Variants in SLC12A5 observed in about 807,000 individuals in gnomAD.
The protein encoded by SLC12A5 is K-Cl cotransporter 2.
A neutral mutation model predicts 124.0 loss-of-function variants in SLC12A5; 18 were observed. The ratio of observed to expected loss-of-function variants is 0.15; its 90% CI spans 0.10 to 0.22. The LOEUF is 0.22. Among genes scored for constraint, SLC12A5 ranks in the 10% least tolerant of loss-of-function variants. The pLI, the probability that SLC12A5 is intolerant of heterozygous loss-of-function variation, is 1.00. For missense variants in SLC12A5, 867 were observed against 1,478.7 expected (o/e 0.59, Z 6.78); for synonymous variants, 589 against 568.0 (o/e 1.04, Z -0.53).
At chr20:46,032,296 C>T (rs1335369801) in intron 1 of SLC12A5, among the ~76,000 whole-genome samples, 1 of 152,196 alleles carries the variant, frequency 6.6e-6, no homozygotes, top group African/African-American at 2.4e-5. Flanking sequence ...CCCGCCCCCG[C>T]GAAGGAGGAG....
intron 6 of SLC12A5, among the ~76,000 whole-genome samples, chr20:46,039,934 G>T (rs1287758662): frequency 1.3e-5 from 2 of 152,004 alleles, no homozygotes; most frequent in African/African-American, 4.8e-5. Flanking sequence ...CTTTCTATTA[G>T]AAATTATTAA....
At position 46,056,978 on chromosome 20, in the gene SLC12A5, G is replaced by T; in HGVS notation, c.3125+67G>T. ...CCAGGGTCCCTACCCTCCTCACTCTGTTGTGAACCCCTAATTGGTGCCACG... is the reference window on the plus strand; with the variant it reads ...CCAGGGTCCCTACCCTCCTCACTCTTTTGTGAACCCCTAATTGGTGCCACG... On this transcript the variant is annotated intron_variant, in intron 24 of 25. Coordinates refer to ENST00000243964, the MANE Select transcript of SLC12A5 (RefSeq NM_020708.5). This position sits in a 1 kb window ranked among gnomAD's most constrained non-coding sequence, Gnocchi z 4.3. The T allele has an allele frequency of 6.2e-7, 1 of 1,610,794 alleles. No homozygotes were observed. Among genetic ancestry groups the T allele is most frequent in the Non-Finnish European group, 8.5e-7 (1 of 1,177,230 alleles).
chr20:46,045,948 T>C lies in SLC12A5; in HGVS notation c.1640T>C (p.Ile547Thr), dbSNP rs772962500. ...CTCCTGACTGCCTGCATCTGCGAGA[T>C]TGGCATCCTCATTGCATCCCTCGAC... Reference protein sequence around the residue: ...ALLLTACICEIGILIASLDEV... With the variant: ...ALLLTACICETGILIASLDEV... Residue 547 changes from isoleucine (I) to threonine (T), a missense_variant, in exon 13 of 26, where the codon ATT (isoleucine) becomes ACT (threonine). Physicochemically the swap from Ile to Thr is moderately conservative, Grantham distance 89. Around this residue, in one of 9 missense-constraint regions of SLC12A5, gnomAD observed 152 missense variants for 358.7 expected, o/e 0.42. Transcript: ENST00000243964. The surrounding 1 kb of genome is among the most constrained non-coding windows in gnomAD (Gnocchi z 4.9). 1.9e-6 allele frequency: 3 copies of C among 1,614,156 alleles called. No homozygotes were observed. The highest frequency in any genetic ancestry group is 1.3e-5 in the African/African-American group (1 of 75,036).
At chr20:46,044,011 G>T (rs2084572059) in intron 11 of SLC12A5, 78 bp downstream of exon 11, 2 of 1,418,366 alleles carry the variant, frequency 1.4e-6, no homozygotes, top group South Asian at 1.4e-5. Flanking sequence ...AGACCCATCA[G>T]GAGGTGCTGG....
At position 46,029,858 on chromosome 20, in the gene SLC12A5, C is replaced by CTGTGTGTG. The variant is rs3080279; in HGVS notation, c.52+487_52+494dup. Among the ~76,000 whole-genome samples, 1,042 of 133,052 alleles carry CTGTGTGTG rather than the reference C, an allele frequency of 7.8e-3. 9 individuals carry two copies. The highest frequency in any genetic ancestry group is 0.02 in the African/African-American group (640 of 32,276). 87.3% of individuals were successfully genotyped at this position (133,052 alleles called of 152,430 possible). On this transcript the variant is annotated intron_variant, in intron 1 of 25. Transcript: ENST00000243964. ...ATCTGGAAGATGGGGGAAGAGGTGGCTGTGTGTGTGTGTGTGTGTGTGTGT... is the reference window on the plus strand; with the variant it reads ...ATCTGGAAGATGGGGGAAGAGGTGGCTGTGTGTGTGTGTGTGTGTGTGTGTGTGTGTGT...
upstream of SLC12A5, among the ~76,000 whole-genome samples, chr20:46,025,551 C>T (rs118035172): frequency 0.029 from 4,379 of 151,976 alleles, 168 homozygotes; most frequent in Admixed American, 0.12. Context: ...GGGTGGGGAT[C>T]GGGGGGTGAG....
At chr20:46,038,963 A>C (rs2084521131) in intron 6 of SLC12A5, among the ~76,000 whole-genome samples, 1 of 152,218 alleles carries the variant, frequency 6.6e-6, no homozygotes, top group African/African-American at 2.4e-5. Context: ...AAAAATTAAA[A>C]TATTTGAAAA....
intron 21 of SLC12A5, among the ~76,000 whole-genome samples, chr20:46,055,646 T>C (rs912407226): frequency 6.6e-6 from 1 of 151,976 alleles, no homozygotes; most frequent in African/African-American, 2.4e-5. Flanking sequence ...GGGTGATAAG[T>C]TGCCCAGGGA....
At chr20:46,043,967 A>C in intron 11 of SLC12A5, 34 bp downstream of exon 11, 22 of 1,121,846 alleles carry the variant, frequency 2.0e-5, no homozygotes, top group South Asian at 2.7e-5. Flanking sequence ...ATTCTGGGGG[A>C]GGGGTGGGTA....
rs1199424418 is a variant in SLC12A5, at chr20:46,059,236, T to G, written c.*1631T>G. 3.8e-6 allele frequency: 1 copy of G among 260,248 alleles called. No homozygotes were observed. The highest frequency in any genetic ancestry group is 7.2e-6 in the Non-Finnish European group (1 of 139,126). 16.1% of individuals were successfully genotyped at this position (260,248 alleles called of 1,614,324 possible). On this transcript the variant is annotated 3_prime_UTR_variant, in exon 26 of 26. Coordinates refer to ENST00000243964, the MANE Select transcript of SLC12A5 (RefSeq NM_020708.5). ...TGACATCTCACGCACCTCCCAGAGC[T>G]GGCGCCACTGAGTAATCCGGACCTC...
At chr20:46,041,172 A>AAG (rs1286570110) in intron 7 of SLC12A5, 157 bp from the exon 8 acceptor site, 2 of 647,096 alleles carry the variant, frequency 3.1e-6, no homozygotes, top group Non-Finnish European at 5.2e-6. Flanking sequence ...AGAAAAAAAA[A>AAG]AAAAAGCCAA....
rs2084588853 is a variant in SLC12A5 at position 46,045,693 on chromosome 20, G to A, written c.1570-185G>A. Among the ~76,000 whole-genome samples, 1 of 152,192 alleles carries A rather than the reference G, an allele frequency of 6.6e-6. No homozygotes were observed. Among genetic ancestry groups the A allele is most frequent in the Non-Finnish European group, 1.5e-5 (1 of 68,034 alleles). On this transcript the variant is annotated intron_variant, in intron 12 of 25. Transcript: ENST00000243964. The surrounding 1 kb of genome is among the most constrained non-coding windows in gnomAD (Gnocchi z 4.9). ...ATGGCACTGGGGTGCCGATCTCAGG[G>A]TGGGCAAGATGCAGCGAAAGCCTGT...
At position 46,022,977 on chromosome 20, in the gene SLC12A5, A is replaced by AGGAC; in HGVS notation, c.97_98insGACG (p.Gly34ThrfsTer98). The AGGAC allele has an allele frequency of 8.0e-6, 2 of 249,052 alleles. No homozygotes were observed. The highest frequency in any genetic ancestry group is 6.6e-6 in the Non-Finnish European group (1 of 151,104). 15.4% of individuals were successfully genotyped at this position (249,052 alleles called of 1,614,324 possible). ...AGGAGGAGGAGGAGGAGGAGGAGGA[A>AGGAC]GAGGAGGAGGAGGAAGAGGAGGAGG... On this transcript the variant is annotated frameshift_variant, in exon 2 of 3. Coordinates refer to the SLC12A5 transcript ENST00000413737. LOFTEE classifies it high-confidence loss of function.
chr20:46,035,650 GA>G, intron 3 of SLC12A5, 115 bp downstream of exon 3: 1 of 1,502,944 alleles, frequency 6.7e-7, no homozygotes, highest in Non-Finnish European at 8.9e-7. Flanking sequence ...AAATCAGAAA[GA>G]AGAGGGATGA....
intron 6 of SLC12A5, among the ~76,000 whole-genome samples, chr20:46,039,785 A>AC (rs374067538): frequency 2.6e-5 from 4 of 151,910 alleles, no homozygotes; most frequent in Non-Finnish European, 4.4e-5. Flanking sequence ...CAAAAAAAAA[A>AC]CAAAAAAACC....
chr20:46,058,204 A>T lies in SLC12A5; in HGVS notation c.*599A>T, dbSNP rs1265827452. The T allele has an allele frequency of 2.8e-6, 1 of 355,374 alleles. No homozygotes were observed. Among genetic ancestry groups the T allele is most frequent in the Non-Finnish European group, 5.0e-6 (1 of 199,024 alleles). 22.0% of individuals were successfully genotyped at this position (355,374 alleles called of 1,614,324 possible). A position where few individuals can be genotyped will look rare whatever the true frequency, so the allele number is the denominator to read the frequency against. ...CGCAACAGACTTCTCGCCATAGTCG[A>T]GCTCTCCCGCTGGGGGCACTGCGGG... On this transcript the variant is annotated 3_prime_UTR_variant, in exon 26 of 26. Coordinates refer to ENST00000243964, the MANE Select transcript of SLC12A5 (RefSeq NM_020708.5). This position sits in a 1 kb window ranked among gnomAD's most constrained non-coding sequence, Gnocchi z 5.8.
upstream of SLC12A5, among the ~76,000 whole-genome samples, chr20:46,027,085 T>G (rs555943125): frequency 6.6e-6 from 1 of 152,344 alleles, no homozygotes; most frequent in Non-Finnish European, 1.5e-5. Context: ...TGCAGAGTAG[T>G]AGAACACAGT....
Position 46,058,331 on chromosome 20 carries a change from C to T in SLC12A5, c.*726C>T. 1 of 397,956 alleles carries T rather than the reference C, an allele frequency of 2.5e-6. No homozygotes were observed. The highest frequency in any genetic ancestry group is 4.4e-6 in the Non-Finnish European group (1 of 225,994). The allele number at this position is 397,956 out of a possible 1,614,324, so 24.7% of individuals were successfully genotyped here. ...GGGTCGTGGCCTCGTTCCCTCGACACCTCCGTCCTGCTCTCGCCTCTTCGC... is the reference window on the plus strand; with the variant it reads ...GGGTCGTGGCCTCGTTCCCTCGACATCTCCGTCCTGCTCTCGCCTCTTCGC... On this transcript the variant is annotated 3_prime_UTR_variant, in exon 26 of 26. Transcript: ENST00000243964. This position sits in a 1 kb window ranked among gnomAD's most constrained non-coding sequence, Gnocchi z 5.8.
At position 46,057,242 on chromosome 20, in the gene SLC12A5, C is replaced by T; in HGVS notation, c.3198C>T (p.Asp1066=). The T allele has an allele frequency of 6.2e-7, 1 of 1,614,200 alleles. No homozygotes were observed. Among genetic ancestry groups the T allele is most frequent in the Non-Finnish European group, 8.5e-7 (1 of 1,180,034 alleles). Residue 1066 remains aspartate (D), a synonymous_variant, in exon 25 of 26, where the codon GAC becomes GAT. Transcript: ENST00000243964. The surrounding 1 kb of genome is among the most constrained non-coding windows in gnomAD (Gnocchi z 7.1). ...LNEVIVKKSR[D]AKLVLLNMPG... The stretch of plus-strand genomic sequence containing the variant: ...AGGTCATCGTGAAGAAATCCCGGGA[C>T]GCCAAGCTTGTTTTGCTCAACATGC...
Sources: gnomAD v4.1 joint callset for allele counts (sites outside exome capture counted in the v4.1 genomes callset) on GRCh38, gnomAD v4.1.1 for gene constraint, gnomAD v4.1.1 regional missense constraint, Gnocchi (gnomAD v3.1) non-coding constraint, MANE v1.5 for transcripts, NCBI Gene and HGNC (gene_info 2026-07-23, HGNC 2026-07-21) for gene names.